GCA: variants seen among roughly 807,000 people sequenced by gnomAD.
GCA encodes the protein grancalcin.
A neutral mutation model predicts 32.6 loss-of-function variants in GCA; 30 were observed. The observed-to-expected ratio is 0.92, with a 90% CI of 0.69 to 1.25. The LOEUF is 1.25. Among genes scored for constraint, GCA ranks in the 50% most tolerant of loss-of-function variants. The pLI, the probability that GCA is intolerant of heterozygous loss-of-function variation, is 0.00. For missense variants in GCA, 291 were observed against 266.8 expected (o/e 1.09, Z -0.63); for synonymous variants, 102 against 84.6 (o/e 1.21, Z -1.13).
intron 7 of GCA, among the ~76,000 whole-genome samples, chr2:162,359,777 G>T (rs932789864): frequency 6.6e-6 from 1 of 150,658 alleles, no homozygotes; most frequent in Admixed American, 6.6e-5. Context: ...TTTTATGACA[G>T]GTTTTTTGAA....
chr2:162,339,903 C>T (rs866035763), upstream of GCA, among the ~76,000 whole-genome samples: 4 of 152,134 alleles, frequency 2.6e-5, no homozygotes, highest in African/African-American at 4.8e-5. Context: ...ACACTGTGTA[C>T]GTACTTTCTT....
chr2:162,323,791 A>G (rs976382181), intron 1 of GCA, among the ~76,000 whole-genome samples: 9 of 151,900 alleles, frequency 5.9e-5, no homozygotes, highest in Non-Finnish European at 4.4e-5. Context: ...TACCAGTACC[A>G]TGCTGTTTTG....
rs762835855 is a variant in GCA, at chr2:162,344,166, C to T, written c.-83C>T. 170 of 1,467,170 alleles carry T rather than the reference C, an allele frequency of 1.2e-4. No individual in the cohort carries two copies. The highest frequency in any genetic ancestry group is 1.5e-4 in the Non-Finnish European group (161 of 1,048,638). The allele number at this position is 1,467,170 out of a possible 1,614,324, so 90.9% of individuals were successfully genotyped here. A position where few individuals can be genotyped will look rare whatever the true frequency, so the allele number is the denominator to read the frequency against. The stretch of plus-strand genomic sequence containing the variant: ...TTCAGCCTCACCTGCAGCTGCGCCT[C>T]CTTGCACCTGCGCCTGTGCTTTTTC... On this transcript the variant is annotated 5_prime_UTR_variant, in exon 1 of 8. Transcript: ENST00000437150.
At chr2:162,340,628 G>C (rs761938406), upstream of GCA, among the ~76,000 whole-genome samples, 1 of 152,018 alleles carries the variant, frequency 6.6e-6, no homozygotes, top group Non-Finnish European at 1.5e-5. Context: ...ATCACAACCA[G>C]AGTATAAAAG....
At chr2:162,348,178 T>G (rs1297304714) in intron 2 of GCA, among the ~76,000 whole-genome samples, 1 of 152,192 alleles carries the variant, frequency 6.6e-6, no homozygotes, top group Non-Finnish European at 1.5e-5. Flanking sequence ...TCTCCCTGAG[T>G]GATAGATAAC....
chr2:162,330,510 G>A (rs962906485), intron 1 of GCA, among the ~76,000 whole-genome samples: 13 of 152,152 alleles, frequency 8.5e-5, no homozygotes, highest in East Asian at 1.9e-4. Flanking sequence ...TGGCCTTGAC[G>A]AATATCTCCA....
chr2:162,356,338 G>A, intron 3 of GCA, 100 bp from the exon 4 acceptor site: 1 of 724,746 alleles, frequency 1.4e-6, no homozygotes, highest in South Asian at 1.7e-5. Context: ...TATATATTTT[G>A]GCAGTTTTTT....
chr2:162,339,376 GGA>G (rs1457813721), upstream of GCA, among the ~76,000 whole-genome samples: 70 of 152,152 alleles, frequency 4.6e-4, no homozygotes, highest in South Asian at 1.5e-3. Flanking sequence ...TCTATGTTAA[GGA>G]ATATTGGAAA....
chr2:162,367,657 C>G (rs976807414), downstream of GCA, among the ~76,000 whole-genome samples: 1 of 151,944 alleles, frequency 6.6e-6, no homozygotes, highest in African/African-American at 2.4e-5. Context: ...GTAGGTTTTT[C>G]TGAATCAAAA....
chr2:162,345,596 G>A (rs1684661877), intron 1 of GCA, among the ~76,000 whole-genome samples: 1 of 152,092 alleles, frequency 6.6e-6, no homozygotes, highest in South Asian at 2.1e-4. Flanking sequence ...TAAAGAGAAC[G>A]TCTGTATGTG....
intron 4 of GCA, among the ~76,000 whole-genome samples, chr2:162,371,111 G>A (rs1338577152): frequency 6.6e-6 from 1 of 152,104 alleles, no homozygotes; most frequent in Non-Finnish European, 1.5e-5. Context: ...AGCAAAATGA[G>A]AGAAATTTGT....
Position 162,356,926 on chromosome 2 carries a change from T to C in GCA, c.454+21T>C, listed in dbSNP as rs1685309519. ...TATGGGTAAGAACATTAACATTCTT[T>C]AGAATCTATAAAGCTAATCTTTGTT... is the stretch of plus-strand genomic sequence containing the variant. On this transcript the variant is annotated intron_variant, in intron 5 of 7. Coordinates refer to ENST00000437150, the MANE Select transcript of GCA (RefSeq NM_012198.5). 1.9e-6 allele frequency: 3 copies of C among 1,542,910 alleles called. No homozygotes were observed. In the Admixed American group the frequency reaches 5.3e-5, roughly 27 times the overall value.
intron 1 of GCA, among the ~76,000 whole-genome samples, chr2:162,319,775 T>TG: frequency 6.6e-6 from 1 of 152,284 alleles, no homozygotes; most frequent in East Asian, 1.9e-4. Flanking sequence ...ATATAAAGGA[T>TG]GGAGAGATCA....
chr2:162,360,424 T>C lies in GCA; in HGVS notation c.*181T>C. 8.2e-7 allele frequency: 1 copy of C among 1,223,208 alleles called. No homozygotes were observed. 75.8% of individuals were successfully genotyped at this position (1,223,208 alleles called of 1,614,324 possible). On this transcript the variant is annotated 3_prime_UTR_variant, in exon 8 of 8. Transcript: ENST00000437150. ...AGCAATAAAAGATTTCTTTTTTAATTTGAGGTATTACTGCTTTTGGAAAAG... is the reference window on the plus strand; with the variant it reads ...AGCAATAAAAGATTTCTTTTTTAATCTGAGGTATTACTGCTTTTGGAAAAG...
chr2:162,346,751 A>T (rs1684729194), intron 1 of GCA: 1 of 152,216 alleles, frequency 6.6e-6, no homozygotes, highest in African/African-American at 2.4e-5. Context: ...GATCATTATT[A>T]TTATTACTAC....
At chr2:162,328,082 G>A (rs917854265) in intron 1 of GCA, among the ~76,000 whole-genome samples, 1 of 152,132 alleles carries the variant, frequency 6.6e-6, no homozygotes, top group Non-Finnish European at 1.5e-5. Flanking sequence ...CAAGGCCGGA[G>A]CTGTCTCCCT....
At chr2:162,327,264 T>A (rs1009912781) in intron 1 of GCA, among the ~76,000 whole-genome samples, 6 of 152,172 alleles carry the variant, frequency 3.9e-5, no homozygotes, top group Admixed American at 2.0e-4. Context: ...TGTATCTGTT[T>A]AGAGTATCTC....
At chr2:162,336,947 G>T (rs1277354571) in intron 1 of GCA, among the ~76,000 whole-genome samples, 2 of 151,972 alleles carry the variant, frequency 1.3e-5, no homozygotes, top group Non-Finnish European at 2.9e-5. Context: ...TGGATTTTTG[G>T]TTTACCTTAC....
downstream of GCA, among the ~76,000 whole-genome samples, chr2:162,366,711 G>C (rs1685762210): frequency 1.3e-5 from 2 of 151,890 alleles, no homozygotes; most frequent in African/African-American, 2.4e-5. Context: ...AGGCATGAGG[G>C]AGAGAGGGAT....
Sources: allele counts gnomAD v4.1 joint callset (sites outside exome capture counted in the v4.1 genomes callset), GRCh38; gene constraint gnomAD v4.1.1; transcripts MANE v1.5; gene names NCBI Gene and HGNC (gene_info 2026-07-23, HGNC 2026-07-21).